BPIFA2: variants seen among roughly 807,000 people sequenced by gnomAD.
BPIFA2 encodes BPI fold containing family A member 2, also known as BPI fold-containing family A member 2.
A neutral mutation model predicts 25.7 loss-of-function variants in BPIFA2; 20 were observed. The observed-to-expected ratio is 0.78, with a 90% CI of 0.55 to 1.13. The LOEUF is 1.13. Among genes scored for constraint, BPIFA2 ranks in the 50% most tolerant of loss-of-function variants. The probability of loss-of-function intolerance (pLI) is 0.00; values close to 1 mark genes in which losing one functional copy is unlikely to be tolerated. For missense variants in BPIFA2, 300 were observed against 298.1 expected, an observed-to-expected ratio of 1.01 and a Z score of -0.05; for synonymous variants, 126 against 124.3, an observed-to-expected ratio of 1.01 and a Z score of -0.09.
At chr20:33,174,274 G>T (rs987207078) in intron 4 of BPIFA2, 88 bp downstream of exon 4, 1 of 1,161,556 alleles carries the variant, frequency 8.6e-7, no homozygotes. Context: ...ACCTCCTCCC[G>T]CTGCTGGGTG....
upstream of BPIFA2, among the ~76,000 whole-genome samples, chr20:33,165,730 A>G (rs2146448347): frequency 1.3e-5 from 2 of 152,326 alleles, no homozygotes; most frequent in East Asian, 3.8e-4. Flanking sequence ...CCTCACTGGG[A>G]ATTTTCAATA....
chr20:33,163,552 GT>G (rs1220716672), upstream of BPIFA2, among the ~76,000 whole-genome samples: 1 of 152,218 alleles, frequency 6.6e-6, no homozygotes, highest in Admixed American at 6.5e-5. Context: ...GCCGGGCACG[GT>G]GGCTCATGCC....
At chr20:33,175,134 T>C (rs548330320) in intron 4 of BPIFA2, among the ~76,000 whole-genome samples, 1 of 152,308 alleles carries the variant, frequency 6.6e-6, no homozygotes, top group East Asian at 1.9e-4. Flanking sequence ...TACACATAAA[T>C]TGTTGTCAAT....
At chr20:33,164,346 G>A (rs916723109), upstream of BPIFA2, among the ~76,000 whole-genome samples, 5 of 152,296 alleles carry the variant, frequency 3.3e-5, 1 homozygote. Flanking sequence ...GACCCAGAGA[G>A]CTCGCTCATG....
intron 4 of BPIFA2, among the ~76,000 whole-genome samples, chr20:33,175,116 A>G (rs1984029402): frequency 6.6e-6 from 1 of 152,190 alleles, no homozygotes; most frequent in Non-Finnish European, 1.5e-5. Context: ...ATACTTTTTT[A>G]AAGTACCTAC....
intron 4 of BPIFA2, among the ~76,000 whole-genome samples, chr20:33,174,750 A>C (rs1984016872): frequency 6.6e-6 from 1 of 152,264 alleles, no homozygotes; most frequent in Non-Finnish European, 1.5e-5. Context: ...GTCTCTACAA[A>C]AAATACAAAA....
In BPIFA2 at chr20:33,178,168, GT is replaced by G; in HGVS notation, c.587del (p.Phe196SerfsTer2). The G allele has an allele frequency of 6.2e-7, 1 of 1,606,800 alleles. No individual in the cohort carries two copies. The highest frequency in any genetic ancestry group is 8.5e-7 in the Non-Finnish European group (1 of 1,174,814). The stretch of plus-strand genomic sequence containing the variant: ...CCAGACACAGCCAAATCATCAACAA[GT>G]TCGTGAATAGCGTGATCAACACGCT... ...LDKHSQIINKFVNSVINTLKS... is the reference protein window; with the variant it reads ...LDKHSQIINKXVNSVINTLKS... On this transcript the variant is annotated frameshift_variant, in exon 6 of 9. Transcript: ENST00000354932. LOFTEE classifies it high-confidence loss of function.
chr20:33,177,250 G>A (rs1984110344), intron 5 of BPIFA2, among the ~76,000 whole-genome samples: 1 of 151,942 alleles, frequency 6.6e-6, no homozygotes, highest in Non-Finnish European at 1.5e-5. Context: ...AGCTACTCGG[G>A]ACGCTGAGGC....
chr20:33,178,037 C>G (rs958218923), intron 5 of BPIFA2, 110 bp from the exon 6 acceptor site: 2 of 695,448 alleles, frequency 2.9e-6, no homozygotes, highest in Non-Finnish European at 4.9e-6. Context: ...CTCCATGTCC[C>G]TGGGGTTTAT....
chr20:33,167,395 T>C (rs538008599), upstream of BPIFA2, among the ~76,000 whole-genome samples: 5 of 152,216 alleles, frequency 3.3e-5, no homozygotes, highest in Admixed American at 2.0e-4. Flanking sequence ...CCAGGGACTC[T>C]CCCTCTCTGC....
Position 33,169,210 on chromosome 20 carries a change from T to C in BPIFA2, c.65T>C (p.Leu22Pro), listed in dbSNP as rs1249268784. 1 of 1,614,138 alleles carries C rather than the reference T, an allele frequency of 6.2e-7. No homozygotes were observed. Among genetic ancestry groups the C allele is most frequent in the Non-Finnish European group, 8.5e-7 (1 of 1,179,944 alleles). The change falls in exon 2 of 9, where the codon CTT becomes CCT. Residue 22 changes from leucine to proline, a missense_variant. Leu to Pro is a moderately conservative substitution (Grantham distance 98). Transcript: ENST00000354932. The part of the protein sequence containing the change: ...GVLTGTSESL[L>P]DNLGNDLSNV... ...CTCACTGGGACCTCAGAGTCTCTTC[T>C]TGACAATCTTGGCAATGACCTAAGC... is the stretch of plus-strand genomic sequence containing the variant.
intron 2 of BPIFA2, among the ~76,000 whole-genome samples, chr20:33,169,609 A>T (rs886309322): frequency 6.6e-6 from 1 of 152,258 alleles, no homozygotes; most frequent in East Asian, 1.9e-4. Context: ...ACAGTCTACG[A>T]AAGTGCCTTT....
At chr20:33,168,284 G>A (rs1462177626) in intron 1 of BPIFA2, 75 bp downstream of exon 1, 2 of 152,282 alleles carry the variant, frequency 1.3e-5, no homozygotes, top group African/African-American at 2.4e-5. Context: ...AGGCAGAGGG[G>A]TGGGATTGCT....
At chr20:33,179,766 G>A in intron 7 of BPIFA2, 99 bp downstream of exon 7, 3 of 1,249,690 alleles carry the variant, frequency 2.4e-6, no homozygotes, top group Non-Finnish European at 3.5e-6. Flanking sequence ...GAAGCAGAAG[G>A]ACCCACTGTC....
At chr20:33,169,997 T>G (rs75166365) in intron 2 of BPIFA2, among the ~76,000 whole-genome samples, 4,325 of 152,270 alleles carry the variant, frequency 0.028, 185 homozygotes, top group African/African-American at 0.096. Flanking sequence ...TAGCAGCACA[T>G]CAAAAACAGT....
intron 5 of BPIFA2, among the ~76,000 whole-genome samples, chr20:33,176,325 G>C (rs1475084903): frequency 6.6e-6 from 1 of 152,254 alleles, no homozygotes; most frequent in East Asian, 1.9e-4. Flanking sequence ...GAAGGAGAAA[G>C]AGTGATGCTG....
Position 33,169,205 on chromosome 20 carries a change from T to C in BPIFA2, c.60T>C (p.Ser20=), listed in dbSNP as rs1435350880. Residue 20 remains serine (S), a synonymous_variant, in exon 2 of 9, where the codon TCT becomes TCC. Transcript: ENST00000354932. The part of the protein sequence containing the change: ...LCGVLTGTSE[S]LLDNLGNDLS... ...GCGTGCTCACTGGGACCTCAGAGTC[T>C]CTTCTTGACAATCTTGGCAATGACC... The C allele has an allele frequency of 1.2e-6, 2 of 1,613,988 alleles. No homozygotes were observed. Among genetic ancestry groups the C allele is most frequent in the African/African-American group, 2.7e-5 (2 of 74,936 alleles).
chr20:33,167,768 C>T (rs149571945), upstream of BPIFA2, among the ~76,000 whole-genome samples: 455 of 152,302 alleles, frequency 3.0e-3, 4 homozygotes, highest in Middle Eastern at 0.031. Flanking sequence ...AGGCTGGTGG[C>T]TTCCCCTCTC....
rs1461349433 is a variant in BPIFA2, at chr20:33,178,252, C to G, written c.645+24C>G. On this transcript the variant is annotated intron_variant, in intron 6 of 8. Coordinates refer to ENST00000354932, the MANE Select transcript of BPIFA2 (RefSeq NM_080574.4). Reference sequence around the variant, plus strand: ...AGGTGAGTCTCCCACTCCTTGGAGCCCAGATCCAGGCCTGGTGGGGGCAGG... The same window carrying G: ...AGGTGAGTCTCCCACTCCTTGGAGCGCAGATCCAGGCCTGGTGGGGGCAGG... 7 of 1,536,974 alleles carry G rather than the reference C, an allele frequency of 4.6e-6. No homozygotes were observed. In the Admixed American group the frequency reaches 1.2e-4, roughly 26 times the overall value.
Sources: gnomAD v4.1 joint callset for allele counts (sites outside exome capture counted in the v4.1 genomes callset) on GRCh38, gnomAD v4.1.1 for gene constraint, MANE v1.5 for transcripts, NCBI Gene and HGNC (gene_info 2026-07-23, HGNC 2026-07-21) for gene names.